Variants in SYT5 observed in about 807,000 individuals in gnomAD.
The protein encoded by SYT5 is synaptotagmin-5.
A neutral mutation model predicts 36.0 loss-of-function variants in SYT5; 29 were observed. That is an observed-to-expected ratio of 0.81 (90% CI 0.60 to 1.10). The LOEUF is 1.10. SYT5 is among the 50% of genes least tolerant of loss of function. SYT5 has a pLI of 0.00. For synonymous variants in SYT5, 231 were observed against 227.6 expected (o/e 1.02, Z -0.14); for missense variants, 512 against 516.0 (o/e 0.99, Z 0.08).
At chr19:55,176,310 G>T in intron 3 of SYT5, 186 bp from the exon 4 acceptor site, 1 of 735,218 alleles carries the variant, frequency 1.4e-6, no homozygotes, top group Non-Finnish European at 2.2e-6. Context: ...CACAGATGCA[G>T]TATGTTTGTG....
rs970238457 is a variant in SYT5, at chr19:55,175,185, G to A, written c.695C>T (p.Ala232Val). The change falls in exon 6 of 9, where the codon GCT becomes GTT. Residue 232 changes from alanine to valine, a missense_variant. Ala to Val is a moderately conservative substitution (Grantham distance 64). Coordinates refer to ENST00000354308, the MANE Select transcript of SYT5 (RefSeq NM_003180.3). This position sits in a 1 kb window ranked among gnomAD's most constrained non-coding sequence, Gnocchi z 4.5. ...GCGCATGCTCACCTCCTCCCGCGGA[G>A]CCGCCTGCAGCTCCCGCCAGGCCTG... Reference protein sequence around the residue: ...PVQAWRELQAAPREEQEKLGD... With the variant: ...PVQAWRELQAVPREEQEKLGD... 7 of 1,602,204 alleles carry A rather than the reference G, an allele frequency of 4.4e-6. No homozygotes were observed. The highest frequency in any genetic ancestry group is 2.7e-5 in the African/African-American group (2 of 74,628).
rs2086053407 is a variant in SYT5 at position 55,174,874 on chromosome 19, C to T, written c.826+8G>A. 6.2e-7 allele frequency: 1 copy of T among 1,613,894 alleles called. No homozygotes were observed. The highest frequency in any genetic ancestry group is 8.5e-7 in the Non-Finnish European group (1 of 1,179,774). On this transcript the variant is annotated splice_region_variant and intron_variant, in intron 7 of 8. Transcript: ENST00000354308. ...CCCACACACCCCACTCCCTTGCTTCCCACACACCTGACAGTCCTCCTACGT... is the reference window on the plus strand; with the variant it reads ...CCCACACACCCCACTCCCTTGCTTCTCACACACCTGACAGTCCTCCTACGT...
intron 3 of SYT5, 63 bp downstream of exon 3, chr19:55,178,133 T>C: frequency 6.5e-7 from 1 of 1,547,434 alleles, no homozygotes; most frequent in Non-Finnish European, 8.7e-7. Flanking sequence ...TGGGACCAGC[T>C]GGGCCATTGA....
rs1435963972 is a variant in SYT5 at position 55,174,604 on chromosome 19, C to T, written c.873G>A (p.Arg291=). The T allele has an allele frequency of 1.5e-5, 24 of 1,614,112 alleles. No homozygotes were observed. Among genetic ancestry groups the T allele is most frequent in the Non-Finnish European group, 2.0e-5 (24 of 1,179,988 alleles). Residue 291 remains arginine, a synonymous_variant, in exon 8 of 9, where the codon CGG becomes CGA. Coordinates refer to ENST00000354308, the MANE Select transcript of SYT5 (RefSeq NM_003180.3). ...VHLLQGGKKV[R]KKKTTIKKNT... ...TCTTCTTGATGGTGGTTTTCTTCTT[C>T]CGCACCTTTTTGCCGCCCTGCAGCA... is the stretch of plus-strand genomic sequence containing the variant.
intron 2 of SYT5, 81 bp downstream of exon 2, chr19:55,178,882 T>C: frequency 4.7e-6 from 6 of 1,269,036 alleles, no homozygotes; most frequent in Non-Finnish European, 6.0e-6. Context: ...CCTGCCCGAG[T>C]ACACCCGTCC....
rs2086118929 is a variant in SYT5 at position 55,179,301 on chromosome 19, C to G, written c.-45-215G>C. The G allele has an allele frequency of 7.5e-7, 1 of 1,332,838 alleles. No homozygotes were observed. The highest frequency in any genetic ancestry group is 1.8e-5 in the South Asian group (1 of 56,612). 82.6% of individuals were successfully genotyped at this position (1,332,838 alleles called of 1,614,324 possible). On this transcript the variant is annotated intron_variant, in intron 1 of 8. Coordinates refer to ENST00000354308, the MANE Select transcript of SYT5 (RefSeq NM_003180.3). The surrounding 1 kb of genome is among the most constrained non-coding windows in gnomAD (Gnocchi z 4.5). ...GATACCCTCTTCCTCCACGGCCCCA[C>G]AGGCATCCCGCTGACTTCTGCCTCG...
chr19:55,174,999 G>T lies in SYT5; in HGVS notation c.709C>A (p.Gln237Lys). ...RELQAAPREE[Q>K]EKLGDICFSL... ...AAGCAGATGTCCCCAAGCTTCTCCT[G>T]CTGAAAGGAGAGGGGCCCATCACCA... Residue 237 changes from glutamine (Q) to lysine (K), a missense_variant and splice_region_variant, in exon 7 of 9, where the codon CAG becomes AAG. By Grantham distance (53) the Gln-to-Lys change is moderately conservative (BLOSUM62 1). Coordinates refer to ENST00000354308, the MANE Select transcript of SYT5 (RefSeq NM_003180.3). The T allele has an allele frequency of 6.2e-7, 1 of 1,612,158 alleles. No individual in the cohort carries two copies. Among genetic ancestry groups the T allele is most frequent in the Non-Finnish European group, 8.5e-7 (1 of 1,179,520 alleles).
chr19:55,176,059 C>G lies in SYT5; in HGVS notation c.318G>C (p.Lys106Asn). The change falls in exon 4 of 9, where the codon AAG becomes AAC. Residue 106 changes from lysine to asparagine, a missense_variant. Lys to Asn is a moderately conservative substitution (Grantham distance 94). Transcript: ENST00000354308. ...AGTACTGCAGTCGTCCTAGCTCATG[C>G]TTGTCTGCCACCTGCTGCCCTGGCC... ...PSGPGQQVADKHELGRLQYSL... is the reference protein window; with the variant it reads ...PSGPGQQVADNHELGRLQYSL... 1 of 1,614,182 alleles carries G rather than the reference C, an allele frequency of 6.2e-7. No individual in the cohort carries two copies. Among genetic ancestry groups the G allele is most frequent in the African/African-American group, 1.3e-5 (1 of 75,058 alleles).
chr19:55,176,917 A>G (rs1175300724), intron 3 of SYT5, among the ~76,000 whole-genome samples: 1 of 152,204 alleles, frequency 6.6e-6, no homozygotes, highest in African/African-American at 2.4e-5. Context: ...TGAGTTCTCC[A>G]AGGTCACACA....
In SYT5 at chr19:55,175,009, G is replaced by T; in HGVS notation, c.709-10C>A. On this transcript the variant is annotated splice_polypyrimidine_tract_variant and intron_variant, in intron 6 of 8. Transcript: ENST00000354308. The surrounding 1 kb of genome is among the most constrained non-coding windows in gnomAD (Gnocchi z 4.5). ...CCCCAAGCTTCTCCTGCTGAAAGGAGAGGGGCCCATCACCAGAGCCCCGGC... is the reference window on the plus strand; with the variant it reads ...CCCCAAGCTTCTCCTGCTGAAAGGATAGGGGCCCATCACCAGAGCCCCGGC... The T allele has an allele frequency of 6.2e-7, 1 of 1,611,808 alleles. No homozygotes were observed. The highest frequency in any genetic ancestry group is 1.1e-5 in the South Asian group (1 of 91,084).
chr19:55,175,796 G>A lies in SYT5; in HGVS notation c.453C>T (p.Tyr151=). The stretch of plus-strand genomic sequence containing the variant: ...ACCGCCTCCGTTTGTCCGGCAGCAG[G>A]TAGACCCGCACATAGGGGTCCGAGG... ...GGSSDPYVRV[Y]LLPDKRRRYE... Residue 151 remains tyrosine (Y), a synonymous_variant, in exon 5 of 9, where the codon TAC becomes TAT. Transcript: ENST00000354308. This position sits in a 1 kb window ranked among gnomAD's most constrained non-coding sequence, Gnocchi z 4.5. 2 of 1,614,132 alleles carry A rather than the reference G, an allele frequency of 1.2e-6. No individual in the cohort carries two copies. The highest frequency in any genetic ancestry group is 1.7e-6 in the Non-Finnish European group (2 of 1,180,024).
In SYT5 at chr19:55,175,654, G is replaced by A; in HGVS notation, c.540+55C>T. On this transcript the variant is annotated intron_variant, in intron 5 of 8. Transcript: ENST00000354308. The surrounding 1 kb of genome is among the most constrained non-coding windows in gnomAD (Gnocchi z 4.5). ...AAAGCGGAAGGGGTCGGTCCCTAGT[G>A]TTCCAGGGACTGGGCACAGGCTATG... The A allele has an allele frequency of 6.3e-7, 1 of 1,591,166 alleles. No homozygotes were observed. Among genetic ancestry groups the A allele is most frequent in the Non-Finnish European group, 8.6e-7 (1 of 1,165,774 alleles).
Position 55,174,668 on chromosome 19 carries a change from G to A in SYT5, c.827-18C>T. On this transcript the variant is annotated intron_variant, in intron 7 of 8. Coordinates refer to ENST00000354308, the MANE Select transcript of SYT5 (RefSeq NM_003180.3). ...GTATGGATCTGGGGAGAGGAAGGAG[G>A]AGTCTTATAGCTCCCCACTGCTGGG... 4.3e-6 allele frequency: 7 copies of A among 1,613,996 alleles called. No individual in the cohort carries two copies. The highest frequency in any genetic ancestry group is 5.9e-6 in the Non-Finnish European group (7 of 1,179,946).
In SYT5 at chr19:55,173,810, T is replaced by G; in HGVS notation, c.961-126A>C. ...ACCCGAGGGCTCGGGGCCCCGGAGC[T>G]CGGGACGGGGGAGGGGGTGGGAGAC... is the stretch of plus-strand genomic sequence containing the variant. On this transcript the variant is annotated intron_variant, in intron 8 of 8. Coordinates refer to ENST00000354308, the MANE Select transcript of SYT5 (RefSeq NM_003180.3). The surrounding 1 kb of genome is among the most constrained non-coding windows in gnomAD (Gnocchi z 5.4). The G allele has an allele frequency of 5.0e-6, 5 of 993,198 alleles. No homozygotes were observed. Among genetic ancestry groups the G allele is most frequent in the East Asian group, 3.3e-5 (1 of 30,162 alleles). The allele number at this position is 993,198 out of a possible 1,614,324, so 61.5% of individuals were successfully genotyped here. A position where few individuals can be genotyped will look rare whatever the true frequency, so the allele number is the denominator to read the frequency against.
intron 8 of SYT5, among the ~76,000 whole-genome samples, chr19:55,174,240 G>A (rs1203035421): frequency 6.6e-6 from 1 of 150,526 alleles, no homozygotes. Flanking sequence ...GGTGGGGCGG[G>A]GCATACTGAT....
chr19:55,177,694 C>G (rs1171466375), intron 3 of SYT5, among the ~76,000 whole-genome samples: 4 of 152,130 alleles, frequency 2.6e-5, no homozygotes, highest in African/African-American at 7.2e-5. Flanking sequence ...TCTCGAGTAG[C>G]TGGGATTATA....
Position 55,175,243 on chromosome 19 carries a change from G to T in SYT5, c.637C>A (p.Pro213Thr). 6.2e-7 allele frequency: 1 copy of T among 1,609,682 alleles called. No homozygotes were observed. Among genetic ancestry groups the T allele is most frequent in the Non-Finnish European group, 8.5e-7 (1 of 1,178,742 alleles). Residue 213 changes from proline to threonine, a missense_variant, in exon 6 of 9, where the codon CCT (proline) becomes ACT (threonine). Physicochemically the swap from Pro to Thr is conservative, Grantham distance 38. Transcript: ENST00000354308. The surrounding 1 kb of genome is among the most constrained non-coding windows in gnomAD (Gnocchi z 4.5). ...RNDAIGEVRV[P>T]MSSVDLGRPV... ...CGCCCCAGGTCCACGGAGCTCATAG[G>T]GACCCGCACCTCCCCGATGGCGTCA...
rs2086025413 is a variant in SYT5 at position 55,173,352 on chromosome 19, T to C, written c.*132A>G. 5 of 651,248 alleles carry C rather than the reference T, an allele frequency of 7.7e-6. No homozygotes were observed. Among genetic ancestry groups the C allele is most frequent in the Non-Finnish European group, 1.1e-5 (5 of 444,320 alleles). The allele number at this position is 651,248 out of a possible 1,614,324, so 40.3% of individuals were successfully genotyped here. ...GAGAAGACAGGAATGGTTCAGATGGTTGGGGTGGAAGGTGGGGGGAGGGTA... is the reference window on the plus strand; with the variant it reads ...GAGAAGACAGGAATGGTTCAGATGGCTGGGGTGGAAGGTGGGGGGAGGGTA... On this transcript the variant is annotated 3_prime_UTR_variant, in exon 9 of 9. Coordinates refer to ENST00000354308, the MANE Select transcript of SYT5 (RefSeq NM_003180.3). The surrounding 1 kb of genome is among the most constrained non-coding windows in gnomAD (Gnocchi z 5.4).
In SYT5 at chr19:55,179,013, G is replaced by A. The variant is rs777516238; in HGVS notation, c.29C>T (p.Pro10Leu). The A allele has an allele frequency of 3.7e-6, 6 of 1,601,942 alleles. No homozygotes were observed. Among genetic ancestry groups the A allele is most frequent in the Non-Finnish European group, 5.1e-6 (6 of 1,174,896 alleles). Residue 10 changes from proline (P) to leucine (L), a missense_variant, in exon 2 of 9, where the codon CCT becomes CTT. Pro to Leu is a moderately conservative substitution (Grantham distance 98). Transcript: ENST00000354308. The surrounding 1 kb of genome is among the most constrained non-coding windows in gnomAD (Gnocchi z 4.5). MFPEPPTPG[P>L]PSPDTPPDSS... ...GTCGGGAGGCGTGTCGGGCGATGGA[G>A]GCCCCGGGGTTGGGGGCTCCGGGAA...
Sources: gnomAD v4.1 joint callset for allele counts (sites outside exome capture counted in the v4.1 genomes callset) on GRCh38, gnomAD v4.1.1 for gene constraint, Gnocchi (gnomAD v3.1) non-coding constraint, MANE v1.5 for transcripts, NCBI Gene and HGNC (gene_info 2026-07-23, HGNC 2026-07-21) for gene names.